The following HYCC1 variants were observed in gnomAD, a reference collection of about 807,000 sequenced individuals.
HYCC1 encodes the protein hyccin PI4KA lipid kinase complex subunit 1.
the HYCC1 span, among the ~76,000 whole-genome samples, chr7:22,963,991 G>A: frequency 6.6e-6 from 1 of 151,928 alleles, no homozygotes; most frequent in East Asian, 1.9e-4. Context: ...GAAACTAATA[G>A]AAAGCTAATA....
chr7:22,968,604 G>A, the HYCC1 span, among the ~76,000 whole-genome samples: 421 of 152,276 alleles, frequency 2.8e-3, 3 homozygotes, highest in African/African-American at 9.8e-3. Flanking sequence ...CCCTATAGGG[G>A]TATGTAGAAG....
chr7:22,957,791 A>G, the HYCC1 span, among the ~76,000 whole-genome samples: 1 of 152,012 alleles, frequency 6.6e-6, no homozygotes, highest in African/African-American at 2.4e-5. Flanking sequence ...GTATTTTCAT[A>G]CAGCCATAAA....
At chr7:22,910,086 C>T in the HYCC1 span, among the ~76,000 whole-genome samples, 1 of 152,168 alleles carries the variant, frequency 6.6e-6, no homozygotes, top group Non-Finnish European at 1.5e-5. Flanking sequence ...ATATGTAAGG[C>T]TATTAATAAG....
At chr7:22,974,729 G>A in the HYCC1 span, among the ~76,000 whole-genome samples, 1 of 152,062 alleles carries the variant, frequency 6.6e-6, no homozygotes, top group Admixed American at 6.6e-5. Context: ...TCTGTGATAT[G>A]GTTTGGCTGT....
At chr7:23,005,257 A>G in the HYCC1 span, among the ~76,000 whole-genome samples, 1 of 152,176 alleles carries the variant, frequency 6.6e-6, no homozygotes, top group African/African-American at 2.4e-5. Context: ...CCAATTTTCA[A>G]CAAGTTACTT....
the HYCC1 span, among the ~76,000 whole-genome samples, chr7:22,980,325 G>A: frequency 6.6e-6 from 1 of 151,152 alleles, no homozygotes; most frequent in Non-Finnish European, 1.5e-5. Flanking sequence ...AGGTTTTACA[G>A]TATTATTAAG....
chr7:22,896,720 G>A, the HYCC1 span, among the ~76,000 whole-genome samples: 1 of 152,136 alleles, frequency 6.6e-6, no homozygotes, highest in Non-Finnish European at 1.5e-5. Flanking sequence ...TCTTCCATCT[G>A]TATTTTTTTT....
At chr7:22,936,189 G>C in the HYCC1 span, 7 of 151,976 alleles carry the variant, frequency 4.6e-5, no homozygotes, top group African/African-American at 1.7e-4. Context: ...CAGATCCAGA[G>C]TAAGGCTCTA....
the HYCC1 span, among the ~76,000 whole-genome samples, chr7:22,907,230 C>T: frequency 6.6e-6 from 1 of 151,818 alleles, no homozygotes; most frequent in African/African-American, 2.4e-5. Flanking sequence ...GAAAACTTTC[C>T]CTTTCTCCTT....
At chr7:22,905,730 T>A in the HYCC1 span, among the ~76,000 whole-genome samples, 1 of 152,188 alleles carries the variant, frequency 6.6e-6, no homozygotes, top group Admixed American at 6.5e-5. Context: ...TTCTGGTTTT[T>A]CACATAGAAT....
At chr7:22,969,456 G>A in the HYCC1 span, among the ~76,000 whole-genome samples, 1 of 150,148 alleles carries the variant, frequency 6.7e-6, no homozygotes, top group Non-Finnish European at 1.5e-5. Context: ...ATGAGCCAAC[G>A]TCTGGCCATC....
At chr7:22,914,612 T>C in the HYCC1 span, among the ~76,000 whole-genome samples, 1 of 152,214 alleles carries the variant, frequency 6.6e-6, no homozygotes, top group Non-Finnish European at 1.5e-5. Context: ...CTGGGGTGCC[T>C]GACGTCCAGG....
the HYCC1 span, chr7:22,976,243 A>C: frequency 6.2e-7 from 1 of 1,613,094 alleles, no homozygotes; most frequent in Non-Finnish European, 8.5e-7. Flanking sequence ...CTGAAGAGAA[A>C]CACTGGGCAT....
the HYCC1 span, among the ~76,000 whole-genome samples, chr7:22,998,598 T>C: frequency 6.6e-6 from 1 of 152,156 alleles, no homozygotes; most frequent in African/African-American, 2.4e-5. Flanking sequence ...CTAATAAATA[T>C]TTATTGAATA....
At chr7:23,012,981 C>T in the HYCC1 span, among the ~76,000 whole-genome samples, 7 of 152,178 alleles carry the variant, frequency 4.6e-5, no homozygotes, top group African/African-American at 1.7e-4. Context: ...GGAACAAATT[C>T]CCCCTACCTG....
the HYCC1 span, among the ~76,000 whole-genome samples, chr7:22,912,997 G>A: frequency 2.6e-5 from 4 of 152,022 alleles, no homozygotes; most frequent in South Asian, 4.2e-4. Flanking sequence ...GGTGGTGGGC[G>A]CTTGTAATCC....
At chr7:22,922,964 T>G in the HYCC1 span, among the ~76,000 whole-genome samples, 1 of 152,144 alleles carries the variant, frequency 6.6e-6, no homozygotes, top group Non-Finnish European at 1.5e-5. Flanking sequence ...ACAATAATAG[T>G]GAGATACTTC....
At chr7:22,920,099 C>G in the HYCC1 span, among the ~76,000 whole-genome samples, 38,398 of 151,970 alleles carry the variant, frequency 0.25, 5,022 homozygotes, top group East Asian at 0.48. Flanking sequence ...AGGCAAAGGA[C>G]GAAGGATAGC....
At chr7:22,903,907 A>G in the HYCC1 span, among the ~76,000 whole-genome samples, 1 of 152,334 alleles carries the variant, frequency 6.6e-6, no homozygotes, top group East Asian at 1.9e-4. Context: ...TTTCTGTAAC[A>G]TTTCACAATT....
Sources: allele counts gnomAD v4.1 joint callset (sites outside exome capture counted in the v4.1 genomes callset), GRCh38; gene constraint gnomAD v4.1.1; transcripts MANE v1.5; gene names NCBI Gene and HGNC (gene_info 2026-07-23, HGNC 2026-07-21).